Variants in SCAPER observed in about 807,000 individuals in gnomAD.
The protein encoded by SCAPER is S-phase cyclin A associated protein in the ER.
SCAPER carries 98 observed loss-of-function variants against 182.2 expected under a neutral mutation model. That is an observed-to-expected ratio of 0.54 (90% CI 0.46 to 0.64). The LOEUF is 0.64. Among genes scored for constraint, SCAPER ranks in the 30% least tolerant of loss-of-function variants. The pLI, the probability that SCAPER is intolerant of heterozygous loss-of-function variation, is 0.00. For missense variants in SCAPER, 1,432 were observed against 1,690.0 expected, an observed-to-expected ratio of 0.85 and a Z score of 2.68; for synonymous variants, 605 against 564.6, an observed-to-expected ratio of 1.07 and a Z score of -1.01.
chr15:76,893,711 A>G (rs1174611713), intron 1 of SCAPER, among the ~76,000 whole-genome samples: 1 of 152,238 alleles, frequency 6.6e-6, no homozygotes, highest in Non-Finnish European at 1.5e-5. Flanking sequence ...TTTAAATGAT[A>G]TCAAGTATCT....
At chr15:76,778,195 G>T (rs2063860254) in intron 8 of SCAPER, among the ~76,000 whole-genome samples, 1 of 152,032 alleles carries the variant, frequency 6.6e-6, no homozygotes, top group African/African-American at 2.4e-5. Flanking sequence ...TCATAGTAAT[G>T]CAAAATTGTA....
chr15:76,385,888 C>T (rs1483644474), intron 27 of SCAPER, among the ~76,000 whole-genome samples: 7 of 152,314 alleles, frequency 4.6e-5, no homozygotes, highest in Non-Finnish European at 7.3e-5. Context: ...ATAATTACCA[C>T]AGGCTAGTGG....
intron 23 of SCAPER, among the ~76,000 whole-genome samples, chr15:76,548,342 T>C (rs1324830351): frequency 2.0e-5 from 3 of 152,210 alleles, no homozygotes; most frequent in East Asian, 3.8e-4. Context: ...TGTTCAAGAA[T>C]GATGTTACCA....
chr15:76,623,267 T>C (rs999752127), intron 21 of SCAPER, among the ~76,000 whole-genome samples: 1 of 152,164 alleles, frequency 6.6e-6, no homozygotes, highest in Non-Finnish European at 1.5e-5. Flanking sequence ...CACTTGTCAG[T>C]TTTTGTGTTT....
At chr15:76,380,866 C>T (rs1037874330) in intron 28 of SCAPER, 1 of 152,328 alleles carries the variant, frequency 6.6e-6, no homozygotes, top group Non-Finnish European at 1.5e-5. Context: ...ACATTGGACA[C>T]AAAATCAGCT....
chr15:76,537,051 C>T (rs2044232278), intron 23 of SCAPER, among the ~76,000 whole-genome samples: 1 of 152,108 alleles, frequency 6.6e-6, no homozygotes, highest in African/African-American at 2.4e-5. Flanking sequence ...CAAACCATTG[C>T]TCAATGAAAT....
At chr15:76,564,783 C>T (rs576685526) in intron 23 of SCAPER, among the ~76,000 whole-genome samples, 7 of 152,156 alleles carry the variant, frequency 4.6e-5, no homozygotes, top group East Asian at 1.9e-4. Context: ...TACAGGGCTA[C>T]GATAACCAAA....
chr15:76,573,635 A>G (rs1188034901), intron 23 of SCAPER, among the ~76,000 whole-genome samples: 2 of 152,124 alleles, frequency 1.3e-5, no homozygotes, highest in African/African-American at 4.8e-5. Flanking sequence ...CTATTACAGG[A>G]AGTTTTATTT....
chr15:76,591,620 T>G (rs1173200555), intron 22 of SCAPER, among the ~76,000 whole-genome samples: 1 of 152,210 alleles, frequency 6.6e-6, no homozygotes. Flanking sequence ...TGTCACCATG[T>G]CTGGCTACTT....
intron 23 of SCAPER, among the ~76,000 whole-genome samples, chr15:76,537,799 A>G (rs1453794477): frequency 6.6e-6 from 1 of 152,214 alleles, no homozygotes; most frequent in African/African-American, 2.4e-5. Flanking sequence ...AAATGGGAGA[A>G]AATTTTTGCA....
chr15:76,633,011 G>A (rs1271295554), intron 21 of SCAPER, among the ~76,000 whole-genome samples: 3 of 152,126 alleles, frequency 2.0e-5, no homozygotes, highest in African/African-American at 7.2e-5. Flanking sequence ...CTGACCGCAG[G>A]TGATCCGCCT....
intron 23 of SCAPER, among the ~76,000 whole-genome samples, chr15:76,516,872 C>G (rs1298100204): frequency 1.3e-5 from 2 of 152,164 alleles, no homozygotes; most frequent in Non-Finnish European, 2.9e-5. Context: ...TGGAGGGCTA[C>G]TGAGAGCAAC....
intron 8 of SCAPER, among the ~76,000 whole-genome samples, chr15:76,783,461 G>A (rs1253154830): frequency 1.3e-5 from 2 of 152,122 alleles, no homozygotes; most frequent in Non-Finnish European, 2.9e-5. Flanking sequence ...GGTACAAATA[G>A]GAGATGGTAT....
At chr15:76,866,112 T>C (rs1346179331) in intron 2 of SCAPER, among the ~76,000 whole-genome samples, 1 of 152,194 alleles carries the variant, frequency 6.6e-6, no homozygotes, top group Non-Finnish European at 1.5e-5. Flanking sequence ...AGCATTGTTC[T>C]AACCAAGGGT....
intron 5 of SCAPER, among the ~76,000 whole-genome samples, chr15:76,805,555 CTTTTTT>C (rs59845788): frequency 5.8e-5 from 5 of 85,874 alleles, no homozygotes; most frequent in Admixed American, 1.4e-4. Context: ...ATTTGTTTAC[CTTTTTT>C]TTTTTTTTTT....
At chr15:76,423,749 G>T (rs576222195) in intron 26 of SCAPER, among the ~76,000 whole-genome samples, 1 of 152,242 alleles carries the variant, frequency 6.6e-6, no homozygotes, top group East Asian at 1.9e-4. Flanking sequence ...TTTCTCTTGT[G>T]GGCATTCAGT....
chr15:76,703,777 A>C (rs957662732), intron 18 of SCAPER, among the ~76,000 whole-genome samples: 1 of 152,206 alleles, frequency 6.6e-6, no homozygotes, highest in Non-Finnish European at 1.5e-5. Flanking sequence ...ATCTGAATTT[A>C]AAGTAAATGA....
intron 16 of SCAPER, among the ~76,000 whole-genome samples, chr15:76,732,265 T>C (rs1289664206): frequency 8.5e-5 from 13 of 152,128 alleles, no homozygotes; most frequent in Non-Finnish European, 4.4e-5. Flanking sequence ...GCTGTTCCAG[T>C]ATAATAAAAT....
chr15:76,494,043 T>C (rs1293826682), intron 24 of SCAPER, among the ~76,000 whole-genome samples: 1 of 152,216 alleles, frequency 6.6e-6, no homozygotes, highest in East Asian at 1.9e-4. Context: ...AAGTGTTTAT[T>C]AACAATGGAT....
Sources: allele counts gnomAD v4.1 joint callset (sites outside exome capture counted in the v4.1 genomes callset), GRCh38; gene constraint gnomAD v4.1.1; transcripts MANE v1.5; gene names NCBI Gene and HGNC (gene_info 2026-07-23, HGNC 2026-07-21).